The following PDE7B variants were observed in gnomAD, a reference collection of about 807,000 sequenced individuals.
PDE7B encodes the protein phosphodiesterase 7B, also known as 3',5'-cyclic-AMP phosphodiesterase 7B.
A neutral mutation model predicts 56.2 loss-of-function variants in PDE7B; 29 were observed. That is an observed-to-expected ratio of 0.52 (90% confidence interval 0.38 to 0.70). The LOEUF (loss-of-function observed/expected upper bound fraction) is 0.70, where lower values mean the gene tolerates loss of function less well. PDE7B is among the 30% of genes least tolerant of loss of function. The probability of loss-of-function intolerance (pLI) is 0.00; values close to 1 mark genes in which losing one functional copy is unlikely to be tolerated. For synonymous variants in PDE7B, 197 were observed against 196.9 expected (o/e 1.00, Z 0.00); for missense variants, 490 against 565.0 (o/e 0.87, Z 1.35).
At chr6:136,057,601 G>C (rs1776760171) in intron 2 of PDE7B, among the ~76,000 whole-genome samples, 2 of 152,158 alleles carry the variant, frequency 1.3e-5, no homozygotes, top group African/African-American at 4.8e-5. Flanking sequence ...TTAGTTAAAA[G>C]GAGAAGTTTG....
Position 135,925,930 on chromosome 6 carries a change from C to T in PDE7B, c.22-21534C>T, listed in dbSNP as rs116051693. On this transcript the variant is annotated intron_variant, in intron 1 of 12. Transcript: ENST00000308191. ...GTGAGAAGCAGTGGATTTCCCTCAC[C>T]CATCGCTAGGTTCATGGCTGAGGCC... Among the ~76,000 whole-genome samples, 574 of 152,122 alleles carry T rather than the reference C, an allele frequency of 3.8e-3. 3 individuals are homozygous for T. Among genetic ancestry groups the T allele is most frequent in the African/African-American group, 0.013 (537 of 41,490 alleles).
At chr6:136,083,734 G>C (rs72975517) in intron 2 of PDE7B, among the ~76,000 whole-genome samples, 8,518 of 152,184 alleles carry the variant, frequency 0.056, 340 homozygotes, top group Non-Finnish European at 0.09. Context: ...GGTTGGCTTG[G>C]AACAGCTGAA....
intron 2 of PDE7B, among the ~76,000 whole-genome samples, chr6:136,063,338 C>T (rs942192021): frequency 6.6e-6 from 1 of 152,150 alleles, no homozygotes; most frequent in African/African-American, 2.4e-5. Context: ...ATTTTAAAAC[C>T]ACAATGGGAT....
rs555427936 is a variant in PDE7B at position 135,884,825 on chromosome 6, G to A, written c.21+32806G>A. ...GTCTTTGTCTTTCACTGTTTTTCTC[G>A]AAGCTGTCTGCCTATGAGTCAAATT... On this transcript the variant is annotated intron_variant, in intron 1 of 12. Transcript: ENST00000308191. Among the ~76,000 whole-genome samples the A allele has an allele frequency of 7.0e-4, 107 of 152,134 alleles. 1 individual carries two copies. The highest frequency in any genetic ancestry group is 2.4e-3 in the African/African-American group (100 of 41,500).
At chr6:135,893,243 A>G (rs1164185880) in intron 1 of PDE7B, among the ~76,000 whole-genome samples, 1 of 109,520 alleles carries the variant, frequency 9.1e-6, no homozygotes, top group Non-Finnish European at 1.7e-5. Flanking sequence ...AACAGGCCCC[A>G]GTGTGTGATG....
chr6:135,882,367 C>T (rs1296962143), intron 1 of PDE7B, among the ~76,000 whole-genome samples: 1 of 151,950 alleles, frequency 6.6e-6, no homozygotes, highest in Non-Finnish European at 1.5e-5. Context: ...AAATTATTTC[C>T]AACTTTCTCT....
In PDE7B at chr6:136,149,159, C is replaced by T; in HGVS notation, c.382+9C>T. The T allele has an allele frequency of 6.3e-7, 1 of 1,582,482 alleles. No homozygotes were observed. Among genetic ancestry groups the T allele is most frequent in the Non-Finnish European group, 8.7e-7 (1 of 1,151,258 alleles). ...TGATCGCTTGACAAATGGTAAGTTACCCAAAAGAATTCTCACTAAAATATA... is the reference window on the plus strand; with the variant it reads ...TGATCGCTTGACAAATGGTAAGTTATCCAAAAGAATTCTCACTAAAATATA... On this transcript the variant is annotated intron_variant, in intron 5 of 12. Coordinates refer to ENST00000308191, the MANE Select transcript of PDE7B (RefSeq NM_018945.4).
At chr6:135,884,979 G>A (rs543055277) in intron 1 of PDE7B, among the ~76,000 whole-genome samples, 13 of 152,188 alleles carry the variant, frequency 8.5e-5, no homozygotes, top group East Asian at 3.9e-4. Context: ...GCATGTCAGC[G>A]GCAGAGCCCA....
At chr6:136,096,045 A>C (rs1462886406) in intron 2 of PDE7B, 1 of 152,228 alleles carries the variant, frequency 6.6e-6, no homozygotes, top group Non-Finnish European at 1.5e-5. Flanking sequence ...ACAAAAAATG[A>C]ACAACACTTG....
In PDE7B at chr6:136,155,715, C is replaced by A. The variant is rs773971914; in HGVS notation, c.668C>A (p.Pro223Gln). ...HDVDHPGVNQ[P>Q]FLIKTNHHLA... ...GTGGACCACCCAGGGGTGAACCAGC[C>A]ATTTTTGATAAAAACTAACCACCAT... Residue 223 changes from proline to glutamine, a missense_variant, in exon 8 of 13, where the codon CCA becomes CAA. Coordinates refer to ENST00000308191, the MANE Select transcript of PDE7B (RefSeq NM_018945.4). 3.0e-5 allele frequency: 49 copies of A among 1,613,908 alleles called. No individual in the cohort carries two copies. Among genetic ancestry groups the A allele is most frequent in the Non-Finnish European group, 3.6e-5 (43 of 1,179,940 alleles).
intron 8 of PDE7B, among the ~76,000 whole-genome samples, chr6:136,160,585 G>A (rs909172364): frequency 6.6e-6 from 1 of 152,096 alleles, no homozygotes; most frequent in Admixed American, 6.5e-5. Context: ...GCCTTGCCTG[G>A]TTTCAGCCCT....
chr6:135,935,987 C>T (rs1583782682), intron 1 of PDE7B, among the ~76,000 whole-genome samples: 1 of 152,152 alleles, frequency 6.6e-6, no homozygotes, highest in East Asian at 1.9e-4. Context: ...AACAACATGC[C>T]CTTCTCCCTA....
At chr6:135,885,639 A>G (rs941475048) in intron 1 of PDE7B, among the ~76,000 whole-genome samples, 1 of 152,202 alleles carries the variant, frequency 6.6e-6, no homozygotes. Context: ...TAAGCTTTGA[A>G]GAAGAGGAAA....
chr6:135,926,816 A>G lies in PDE7B; in HGVS notation c.22-20648A>G, dbSNP rs538289740. 7.2e-5 allele frequency among the ~76,000 whole-genome samples: 11 copies of G among 152,218 alleles called. 1 individual carries two copies. The highest frequency in any genetic ancestry group is 6.8e-3 in the Middle Eastern group (2 of 294). On this transcript the variant is annotated intron_variant, in intron 1 of 12. Coordinates refer to ENST00000308191, the MANE Select transcript of PDE7B (RefSeq NM_018945.4). ...GGCAAGTGCTTAATAAATTTTCCTTATCTTTTCCTGCATAAACCTACTGAA... is the reference window on the plus strand; with the variant it reads ...GGCAAGTGCTTAATAAATTTTCCTTGTCTTTTCCTGCATAAACCTACTGAA...
At chr6:136,035,830 T>A (rs1005919089) in intron 2 of PDE7B, among the ~76,000 whole-genome samples, 13 of 152,356 alleles carry the variant, frequency 8.5e-5, no homozygotes, top group Non-Finnish European at 1.8e-4. Flanking sequence ...TAAAAAGTCA[T>A]TCTTGAAGAA....
chr6:136,107,871 G>GT (rs1189066645), intron 2 of PDE7B, among the ~76,000 whole-genome samples: 3 of 152,170 alleles, frequency 2.0e-5, no homozygotes, highest in Admixed American at 6.5e-5. Flanking sequence ...GCTCATGCCT[G>GT]TAATCCCAGA....
rs568321383 is a variant in PDE7B, at chr6:135,949,431, C to T, written c.82+1907C>T. ...ATAGCTGCCAGAAAACAATCCTGAC[C>T]GCCAAATATGTCTCTAATGAATCTG... On this transcript the variant is annotated intron_variant, in intron 2 of 12. Transcript: ENST00000308191. Among the ~76,000 whole-genome samples, 33 of 152,096 alleles carry T rather than the reference C, an allele frequency of 2.2e-4. 1 individual carries two copies. Among genetic ancestry groups the T allele is most frequent in the Middle Eastern group, 3.4e-3 (1 of 292 alleles).
In PDE7B at chr6:136,191,837, C is replaced by T. The variant is rs1162254994; in HGVS notation, c.1350C>T (p.Pro450=). The T allele has an allele frequency of 1.3e-6, 2 of 1,549,458 alleles. No homozygotes were observed. The highest frequency in any genetic ancestry group is 2.4e-5 in the South Asian group (2 of 84,036). ...GCGAGGAGCAGGAAGGCGACAGCCC[C>T]TAGGGGCCGGCCCAACTTAGACGCG... ...TESEEQEGDS[P] The change falls in exon 13 of 13, where the codon CCC becomes CCT. Residue 450 remains proline, a synonymous_variant. Coordinates refer to ENST00000308191, the MANE Select transcript of PDE7B (RefSeq NM_018945.4).
chr6:135,982,350 G>A (rs1204378373), intron 2 of PDE7B, among the ~76,000 whole-genome samples: 2 of 151,870 alleles, frequency 1.3e-5, no homozygotes, highest in African/African-American at 2.4e-5. Flanking sequence ...TTTTTCTCTC[G>A]GCCCAGACAG....
Sources: allele counts gnomAD v4.1 joint callset (sites outside exome capture counted in the v4.1 genomes callset), GRCh38; gene constraint gnomAD v4.1.1; transcripts MANE v1.5; gene names NCBI Gene and HGNC (gene_info 2026-07-23, HGNC 2026-07-21).